MRPS25: variants seen among roughly 807,000 people sequenced by gnomAD.
The protein encoded by MRPS25 is small ribosomal subunit protein mS25.
Under a neutral mutation model 17.3 loss-of-function variants are expected in MRPS25, and 15 were observed. That is an observed-to-expected ratio of 0.87 (90% confidence interval 0.58 to 1.34). MRPS25 has a LOEUF of 1.34. Among genes scored for constraint, MRPS25 ranks in the 40% most tolerant of loss-of-function variants. The probability of loss-of-function intolerance (pLI) is 0.00; values close to 1 mark genes in which losing one functional copy is unlikely to be tolerated. For missense variants in MRPS25, 225 were observed against 218.6 expected (o/e 1.03, Z -0.19); for synonymous variants, 94 against 83.3 (o/e 1.13, Z -0.70).
intron 1 of MRPS25, among the ~76,000 whole-genome samples, chr3:15,060,887 T>A (rs1692781532): frequency 6.6e-6 from 1 of 151,440 alleles, no homozygotes; most frequent in African/African-American, 2.4e-5. Context: ...TCTCAAAAAA[T>A]AAATAAATAA....
chr3:15,056,754 G>T (rs1338497396), intron 2 of MRPS25, among the ~76,000 whole-genome samples: 1 of 152,218 alleles, frequency 6.6e-6, no homozygotes, highest in Non-Finnish European at 1.5e-5. Flanking sequence ...CCACAGATCT[G>T]CAAGACAATA....
At chr3:15,059,133 A>T (rs996021084) in intron 2 of MRPS25, among the ~76,000 whole-genome samples, 9 of 152,060 alleles carry the variant, frequency 5.9e-5, no homozygotes, top group Admixed American at 1.3e-4. Context: ...GGACTTTGGA[A>T]AAATTACCCC....
downstream of MRPS25, chr3:15,044,178 T>A (rs1019070687): frequency 6.6e-5 from 10 of 152,198 alleles, no homozygotes; most frequent in Non-Finnish European, 1.3e-4. Context: ...GGTTAGGGCC[T>A]GGTAAAGCTG....
chr3:15,051,776 G>GCTAAT lies in MRPS25; in HGVS notation c.*664_*665insATTAG, dbSNP rs1416672485. The GCTAAT allele has an allele frequency of 1.0e-5, 10 of 985,460 alleles. No homozygotes were observed. In the East Asian group the frequency reaches 1.0e-3, roughly 101 times the overall value. The allele number at this position is 985,460 out of a possible 1,614,324, so 61.0% of individuals were successfully genotyped here. ...AAACCTCCCTGCTAATGCACACAGT[G>GCTAAT]GCTGGGCCATGGGTTGGCAGTGGCT... On this transcript the variant is annotated 3_prime_UTR_variant, in exon 4 of 4. Transcript: ENST00000253686.
intron 3 of MRPS25, 80 bp downstream of exon 3, chr3:15,053,300 C>A: frequency 6.3e-7 from 1 of 1,599,666 alleles, no homozygotes; most frequent in South Asian, 1.1e-5. Context: ...CCTCTCAACA[C>A]CCTTCCCACA....
chr3:15,064,340 CCTACT>C (rs745786768), intron 1 of MRPS25, among the ~76,000 whole-genome samples: 32 of 152,220 alleles, frequency 2.1e-4, no homozygotes, highest in Non-Finnish European at 3.8e-4. Flanking sequence ...TCAATGAGTC[CCTACT>C]CTGCTCCAAG....
Position 15,051,918 on chromosome 3 carries a change from AAGTG to A in MRPS25, c.*519_*522del, listed in dbSNP as rs1318464111. The A allele has an allele frequency of 8.1e-6, 8 of 985,426 alleles. No homozygotes were observed. The South Asian group carries it at 2.3e-4, about 29-fold the overall frequency. 61.0% of individuals were successfully genotyped at this position (985,426 alleles called of 1,614,324 possible). ...CAAGGGTAATCAACTGTACTTAAAA[AAGTG>A]AGCACTGCACGAAGGGTTGCCTTTG... is the stretch of plus-strand genomic sequence containing the variant. On this transcript the variant is annotated 3_prime_UTR_variant, in exon 4 of 4. Coordinates refer to ENST00000253686, the MANE Select transcript of MRPS25 (RefSeq NM_022497.5).
chr3:15,062,628 G>C (rs1193031728), intron 1 of MRPS25, among the ~76,000 whole-genome samples: 3 of 152,294 alleles, frequency 2.0e-5, no homozygotes, highest in African/African-American at 4.8e-5. Context: ...GAATAGAAAG[G>C]GGGGAAAGGT....
chr3:15,050,140 C>A lies in MRPS25; in HGVS notation c.*2301G>T. 7.4e-7 allele frequency: 1 copy of A among 1,357,168 alleles called. No individual in the cohort carries two copies. Among genetic ancestry groups the A allele is most frequent in the Non-Finnish European group, 9.4e-7 (1 of 1,065,698 alleles). The allele number at this position is 1,357,168 out of a possible 1,614,324, so 84.1% of individuals were successfully genotyped here. Reference sequence around the variant, plus strand: ...GGTTTAAAGAGAAACTATCCAGGATCAAGTAGCCTACAGGGAACAAAAAAA... The same window carrying A: ...GGTTTAAAGAGAAACTATCCAGGATAAAGTAGCCTACAGGGAACAAAAAAA... On this transcript the variant is annotated 3_prime_UTR_variant, in exon 4 of 4. Coordinates refer to ENST00000253686, the MANE Select transcript of MRPS25 (RefSeq NM_022497.5).
intron 2 of MRPS25, among the ~76,000 whole-genome samples, chr3:15,054,334 T>C (rs2042643186): frequency 6.6e-6 from 1 of 152,148 alleles, no homozygotes; most frequent in Non-Finnish European, 1.5e-5. Context: ...AGAAAGATAA[T>C]CGTTTCAACA....
At chr3:15,060,117 G>A (rs1241715869) in intron 1 of MRPS25, among the ~76,000 whole-genome samples, 2 of 152,172 alleles carry the variant, frequency 1.3e-5, no homozygotes, top group Non-Finnish European at 2.9e-5. Context: ...TGGGAGGAGT[G>A]GGTGGAAGAG....
At chr3:15,045,405 G>A (rs1333186651), downstream of MRPS25, 1 of 152,680 alleles carries the variant, frequency 6.5e-6, no homozygotes, top group Non-Finnish European at 1.5e-5. Context: ...AAACAACCTT[G>A]CAGAAAACGT....
chr3:15,042,861 G>A (rs749912063), downstream of MRPS25: 62 of 1,614,006 alleles, frequency 3.8e-5, no homozygotes, highest in South Asian at 1.2e-4. Context: ...TTCGCCTGCC[G>A]GCACTCAGGC....
In MRPS25 at chr3:15,050,162, A is replaced by C; in HGVS notation, c.*2279T>G. ...GATCAAGTAGCCTACAGGGAACAAA[A>C]AAAGAAAATAATGTTTATTTCCACA... On this transcript the variant is annotated 3_prime_UTR_variant, in exon 4 of 4. Coordinates refer to ENST00000253686, the MANE Select transcript of MRPS25 (RefSeq NM_022497.5). 7.7e-7 allele frequency: 1 copy of C among 1,295,606 alleles called. No homozygotes were observed. Among genetic ancestry groups the C allele is most frequent in the Non-Finnish European group, 9.7e-7 (1 of 1,027,846 alleles). The allele number at this position is 1,295,606 out of a possible 1,614,324, so 80.3% of individuals were successfully genotyped here.
At chr3:15,048,290 A>C (rs1467785420), downstream of MRPS25, 2 of 152,658 alleles carry the variant, frequency 1.3e-5, no homozygotes, top group African/African-American at 4.8e-5. Context: ...CTGTCGTGAC[A>C]ATCACGCTAT....
chr3:15,060,269 T>C (rs538071278), intron 1 of MRPS25, among the ~76,000 whole-genome samples: 1 of 152,028 alleles, frequency 6.6e-6, no homozygotes, highest in Non-Finnish European at 1.5e-5. Flanking sequence ...TCCCAGCACT[T>C]TGGGAAGCCC....
rs77645300 is a variant in MRPS25, at chr3:15,055,735, A to T, written c.242-2268T>A. The stretch of plus-strand genomic sequence containing the variant: ...GTGAGACTCCGTCTTTTAAAAAAAA[A>T]TTTTTTAAATGATAAACTGAATTAA... On this transcript the variant is annotated intron_variant, in intron 2 of 3. Transcript: ENST00000253686. Among the ~76,000 whole-genome samples, 316 of 152,230 alleles carry T rather than the reference A, an allele frequency of 2.1e-3. 7 individuals carry two copies. The highest frequency in any genetic ancestry group is 3.5e-3 in the South Asian group (17 of 4,826).
chr3:15,057,647 A>C (rs976302747), intron 2 of MRPS25, among the ~76,000 whole-genome samples: 9 of 152,204 alleles, frequency 5.9e-5, no homozygotes, highest in Non-Finnish European at 8.8e-5. Flanking sequence ...GGCACTAAGG[A>C]ACTTCCTGCA....
downstream of MRPS25, chr3:15,042,628 T>C (rs533936907): frequency 3.2e-5 from 17 of 529,996 alleles, no homozygotes; most frequent in East Asian, 3.9e-4. Flanking sequence ...GGAACACATC[T>C]GTACATACAT....
Sources: gnomAD v4.1 joint callset for allele counts (sites outside exome capture counted in the v4.1 genomes callset) on GRCh38, gnomAD v4.1.1 for gene constraint, MANE v1.5 for transcripts, NCBI Gene and HGNC (gene_info 2026-07-23, HGNC 2026-07-21) for gene names.